CEP63: variants seen among roughly 807,000 people sequenced by gnomAD.
CEP63 encodes centrosomal protein 63.
Under a neutral mutation model 89.1 loss-of-function variants are expected in CEP63, and 84 were observed. The ratio of observed to expected loss-of-function variants is 0.94; its 90% CI spans 0.79 to 1.13. CEP63 has a LOEUF of 1.13. CEP63 is among the 50% of genes most tolerant of loss of function. The pLI, the probability that CEP63 is intolerant of heterozygous loss-of-function variation, is 0.00. For synonymous variants in CEP63, 267 were observed against 272.5 expected (o/e 0.98, Z 0.20); for missense variants, 838 against 813.3 (o/e 1.03, Z -0.37).
At chr3:134,724,419 T>A in the CEP63 span, among the ~76,000 whole-genome samples, 3 of 152,200 alleles carry the variant, frequency 2.0e-5, no homozygotes, top group Non-Finnish European at 4.4e-5. Flanking sequence ...CAAGGATAAG[T>A]CATTGCTGGC....
At chr3:134,603,405 C>G in the CEP63 span, 1 of 587,676 alleles carries the variant, frequency 1.7e-6, no homozygotes, top group Non-Finnish European at 2.9e-6. Flanking sequence ...CTGAGTGAAG[C>G]CTTCAGAACA....
chr3:134,777,683 G>A, the CEP63 span, among the ~76,000 whole-genome samples: 1 of 137,992 alleles, frequency 7.2e-6, no homozygotes, highest in African/African-American at 2.7e-5. Context: ...CAGTGGTCTT[G>A]GCTCGCTGCA....
chr3:134,666,973 CCT>C, the CEP63 span, among the ~76,000 whole-genome samples: 2 of 152,168 alleles, frequency 1.3e-5, no homozygotes, highest in Non-Finnish European at 2.9e-5. Context: ...CCCAACATCC[CCT>C]GTCCCCTGTG....
chr3:134,688,234 A>G, the CEP63 span, among the ~76,000 whole-genome samples: 1 of 152,248 alleles, frequency 6.6e-6, no homozygotes, highest in African/African-American at 2.4e-5. Context: ...ATTTTGCAAC[A>G]AAGAGGAATG....
chr3:134,610,925 C>G, the CEP63 span, among the ~76,000 whole-genome samples: 2 of 152,180 alleles, frequency 1.3e-5, no homozygotes, highest in Non-Finnish European at 2.9e-5. Flanking sequence ...AAGCCAAGCC[C>G]TACCCCCCTG....
intron 11 of CEP63, among the ~76,000 whole-genome samples, chr3:134,572,577 G>T (rs1409640475): frequency 6.6e-6 from 1 of 152,184 alleles, no homozygotes; most frequent in African/African-American, 2.4e-5. Context: ...TGCTGCAAAG[G>T]ACATGATTTC....
the CEP63 span, among the ~76,000 whole-genome samples, chr3:134,637,372 A>T: frequency 6.6e-6 from 1 of 152,208 alleles, no homozygotes; most frequent in Non-Finnish European, 1.5e-5. Flanking sequence ...TGTCTTTTAA[A>T]GTGAGTGCTA....
At chr3:134,688,958 C>G in the CEP63 span, among the ~76,000 whole-genome samples, 1 of 152,194 alleles carries the variant, frequency 6.6e-6, no homozygotes, top group African/African-American at 2.4e-5. Context: ...CTTGGAGACC[C>G]TGGTGATCTC....
the CEP63 span, among the ~76,000 whole-genome samples, chr3:134,663,706 AGAGGGGCCAGGAAGG>A: frequency 1.4e-4 from 4 of 28,224 alleles, no homozygotes; most frequent in Admixed American, 1.2e-3. Context: ...GCGGGGCCCC[AGAGGGGCCAGGAAGG>A]AGGGATATGG....
chr3:134,607,156 A>T, the CEP63 span: 1 of 985,452 alleles, frequency 1.0e-6, no homozygotes, highest in Non-Finnish European at 1.2e-6. Context: ...TCCACGGCCT[A>T]TGATACATTG....
At chr3:134,584,956 G>GTTTTTTTTTTTTTTTT (rs780691730) in intron 10 of CEP63, among the ~76,000 whole-genome samples, 1,207 of 34,478 alleles carry the variant, frequency 0.035, 87 homozygotes, top group Non-Finnish European at 0.039. Context: ...ATTTTCTAGG[G>GTTTTTTTTTTTTTTTT]TTTTTTTTTT....
chr3:134,583,219 A>G (rs1261588348), intron 10 of CEP63, among the ~76,000 whole-genome samples: 1 of 152,094 alleles, frequency 6.6e-6, no homozygotes, highest in Non-Finnish European at 1.5e-5. Flanking sequence ...TTTTGTTGCC[A>G]TTGTTTTTGG....
intron 12 of CEP63, 66 bp downstream of exon 12, chr3:134,552,078 T>A: frequency 1.2e-6 from 1 of 861,182 alleles, no homozygotes; most frequent in South Asian, 1.4e-5. Flanking sequence ...TTGTAAATAT[T>A]TACATTATAA....
the CEP63 span, among the ~76,000 whole-genome samples, chr3:134,665,090 G>T: frequency 2.6e-4 from 40 of 152,204 alleles, no homozygotes; most frequent in South Asian, 1.4e-3. Flanking sequence ...GTCCCACCCT[G>T]TAGGTCTGGG....
the CEP63 span, among the ~76,000 whole-genome samples, chr3:134,768,082 C>T: frequency 6.6e-6 from 1 of 152,066 alleles, no homozygotes; most frequent in Admixed American, 6.5e-5. Flanking sequence ...CAGGAGTGAC[C>T]GGAGATGAGG....
At chr3:134,718,643 A>G in the CEP63 span, among the ~76,000 whole-genome samples, 2 of 152,114 alleles carry the variant, frequency 1.3e-5, no homozygotes, top group African/African-American at 4.8e-5. Context: ...TTCATTTTAA[A>G]CTCACCAATC....
At chr3:134,740,265 C>CTTTT in the CEP63 span, among the ~76,000 whole-genome samples, 4 of 134,062 alleles carry the variant, frequency 3.0e-5, no homozygotes, top group African/African-American at 1.2e-4. Flanking sequence ...TTATTCTTTT[C>CTTTT]TTTTATTTAT....
the CEP63 span, chr3:134,780,707 T>G: frequency 2.6e-5 from 4 of 152,230 alleles, no homozygotes; most frequent in Non-Finnish European, 4.4e-5. Flanking sequence ...CTTTTTAAAT[T>G]AAGTTGCAGA....
At chr3:134,512,235 C>T (rs1242895648) in intron 3 of CEP63, among the ~76,000 whole-genome samples, 1 of 152,174 alleles carries the variant, frequency 6.6e-6, no homozygotes, top group African/African-American at 2.4e-5. Context: ...CTTCAGCCCA[C>T]CTGCAAATCA....
Sources: allele counts gnomAD v4.1 joint callset (sites outside exome capture counted in the v4.1 genomes callset), GRCh38; gene constraint gnomAD v4.1.1; transcripts MANE v1.5; gene names NCBI Gene and HGNC (gene_info 2026-07-23, HGNC 2026-07-21).